The following IFI6 variants were observed in gnomAD, a reference collection of about 807,000 sequenced individuals.
IFI6 encodes the protein interferon alpha inducible protein 6, also known as interferon alpha-inducible protein 6.
In IFI6, 10 loss-of-function variants were observed where a neutral mutation model predicts 12.7. That is an observed-to-expected ratio of 0.79 (90% CI 0.49 to 1.33). IFI6 has a LOEUF of 1.33. Ranked by LOEUF, IFI6 falls within the 40% of genes most tolerant of loss-of-function variation. The probability of loss-of-function intolerance (pLI) is 0.00; values close to 1 mark genes in which losing one functional copy is unlikely to be tolerated. For missense variants in IFI6, 154 were observed against 180.4 expected, an observed-to-expected ratio of 0.85 and a Z score of 0.84; for synonymous variants, 89 against 86.2, an observed-to-expected ratio of 1.03 and a Z score of -0.18.
At chr1:27,669,116 C>T (rs2090383244) in intron 2 of IFI6, 129 bp downstream of exon 2, 1 of 1,099,910 alleles carries the variant, frequency 9.1e-7, no homozygotes, top group Non-Finnish European at 1.4e-6. Flanking sequence ...TCCTTACCCG[C>T]ATCCTTACCT....
In IFI6 at chr1:27,668,075, AAAAT is replaced by A. The variant is rs538211202; in HGVS notation, c.298+147_298+150del. The A allele has an allele frequency of 1.8e-3, 1,509 of 856,268 alleles. 8 individuals carry two copies. Among genetic ancestry groups the A allele is most frequent in the Non-Finnish European group, 2.3e-3 (1,371 of 595,770 alleles). The allele number at this position is 856,268 out of a possible 1,614,324, so 53.0% of individuals were successfully genotyped here. ...GGGTGACACAGCCAGACTCTGTCTCAAAATAAATAAATAAAGAATCACTTAATTC... is the reference window on the plus strand; with the variant it reads ...GGGTGACACAGCCAGACTCTGTCTCAAAATAAATAAAGAATCACTTAATTC... On this transcript the variant is annotated intron_variant, in intron 4 of 4. Transcript: ENST00000361157.
chr1:27,666,545 C>T, intron 4 of IFI6, 70 bp from the exon 5 acceptor site: 1 of 1,151,666 alleles, frequency 8.7e-7, no homozygotes, highest in Admixed American at 1.8e-5. Context: ...GTCTGGAAAC[C>T]ATTGGTTGAG....
Position 27,668,478 on chromosome 1 carries a change from G to C in IFI6, c.128C>G (p.Thr43Ser). Residue 43 changes from threonine (T) to serine (S), a missense_variant, in exon 3 of 5, where the codon ACC (threonine) becomes AGC (serine). Thr to Ser is a moderately conservative substitution (Grantham distance 58, BLOSUM62 1). Coordinates refer to ENST00000361157, the MANE Select transcript of IFI6 (RefSeq NM_002038.4). ...CCCACCTCCTCCGACGGCCATGAAGGTCAGGGCCTTCCAGAACCCGGAGCC... is the reference window on the plus strand; with the variant it reads ...CCCACCTCCTCCGACGGCCATGAAGCTCAGGGCCTTCCAGAACCCGGAGCC... The part of the protein sequence containing the change: ...DSGSGFWKAL[T>S]FMAVGGGLAV... The C allele has an allele frequency of 6.2e-7, 1 of 1,611,798 alleles. No individual in the cohort carries two copies. Among genetic ancestry groups the C allele is most frequent in the East Asian group, 2.2e-5 (1 of 44,752 alleles).
rs1296029610 is a variant in IFI6, at chr1:27,668,303, G to A, written c.221C>T (p.Ser74Leu). 6 of 1,581,254 alleles carry A rather than the reference G, an allele frequency of 3.8e-6. No homozygotes were observed. Among genetic ancestry groups the A allele is most frequent in the Non-Finnish European group, 5.1e-6 (6 of 1,166,546 alleles). The change falls in exon 4 of 5, where the codon TCG becomes TTG. Residue 74 changes from serine to leucine, a missense_variant. Transcript: ENST00000361157. ...AGIAANSVAA[S>L]LMSWSAILNG... ...CAGGATCGCAGACCAGCTCATCAGCGAGGCAGCCACCGAGTTGGCCGCGAT... is the reference window on the plus strand; with the variant it reads ...CAGGATCGCAGACCAGCTCATCAGCAAGGCAGCCACCGAGTTGGCCGCGAT...
intron 1 of IFI6, chr1:27,670,496 A>T (rs1048997287): frequency 6.7e-6 from 1 of 149,176 alleles, no homozygotes; most frequent in Admixed American, 6.7e-5. Flanking sequence ...CATGTTGCCC[A>T]GGCTGATCTT....
chr1:27,671,076 A>G (rs190993440), intron 1 of IFI6, among the ~76,000 whole-genome samples: 39 of 152,278 alleles, frequency 2.6e-4, no homozygotes, highest in Non-Finnish European at 1.3e-4. Flanking sequence ...ATACCACAAA[A>G]CTGGAAAATG....
intron 1 of IFI6, among the ~76,000 whole-genome samples, chr1:27,671,577 A>G (rs1038598261): frequency 4.0e-5 from 6 of 151,574 alleles, no homozygotes; most frequent in Non-Finnish European, 7.4e-5. Flanking sequence ...TAGTAGAGAC[A>G]GGGTTTCACT....
Position 27,668,467 on chromosome 1 carries a change from C to T in IFI6, c.139G>A (p.Val47Ile), listed in dbSNP as rs1053295758. ...CGCCCTCCAGACCCACCTCCTCCGA[C>T]GGCCATGAAGGTCAGGGCCTTCCAG... is the stretch of plus-strand genomic sequence containing the variant. ...GFWKALTFMAVGGGLAVAGLP... is the reference protein window; with the variant it reads ...GFWKALTFMAIGGGLAVAGLP... The change falls in exon 3 of 5, where the codon GTC becomes ATC. Residue 47 changes from valine (V) to isoleucine (I), a missense_variant. By Grantham distance (29) the Val-to-Ile change is conservative. Transcript: ENST00000361157. 3 of 1,611,164 alleles carry T rather than the reference C, an allele frequency of 1.9e-6. No homozygotes were observed. Among genetic ancestry groups the T allele is most frequent in the East Asian group, 2.2e-5 (1 of 44,720 alleles).
chr1:27,669,562 G>A (rs887670669), intron 1 of IFI6: 5 of 504,752 alleles, frequency 9.9e-6, no homozygotes, highest in East Asian at 7.3e-5. Context: ...GATTCTGTGC[G>A]GATTCGCACG....
chr1:27,669,496 C>T (rs1571434259), intron 1 of IFI6, 150 bp from the exon 2 acceptor site: 2 of 585,408 alleles, frequency 3.4e-6, no homozygotes, highest in African/African-American at 1.9e-5. Context: ...CTCGGGAATC[C>T]GTTTCCTCTC....
At position 27,666,404 on chromosome 1, in the gene IFI6, C is replaced by G. The variant is rs762985817; in HGVS notation, c.370G>C (p.Asp124His). The G allele has an allele frequency of 6.2e-7, 1 of 1,611,318 alleles. No homozygotes were observed. Among genetic ancestry groups the G allele is most frequent in the Admixed American group, 1.7e-5 (1 of 59,848 alleles). The change falls in exon 5 of 5, where the codon GAT (aspartate) becomes CAT (histidine). Residue 124 changes from aspartate (D) to histidine (H), a missense_variant. By Grantham distance (81) the Asp-to-His change is moderately conservative (BLOSUM62 -1). Transcript: ENST00000361157. ...GGCTACTCCTCATCCTCCTCACTAT[C>G]GAGATACTTGTGGGTGGCGTAGCCC... ...LMGYATHKYL[D>H]SEEDEE is the part of the protein sequence containing the mutation.
Position 27,668,331 on chromosome 1 carries a change from C to G in IFI6, c.193G>C (p.Gly65Arg), listed in dbSNP as rs980721712. ...GCAGCCACCGAGTTGGCCGCGATGC[C>G]GGCGCCGGTGAAGCCCAGCGCGGGC... ...GLPALGFTGAGIAANSVAASL... is the reference protein window; with the variant it reads ...GLPALGFTGARIAANSVAASL... The change falls in exon 4 of 5, where the codon GGC (glycine) becomes CGC (arginine). Residue 65 changes from glycine to arginine, a missense_variant. Transcript: ENST00000361157. 6.4e-7 allele frequency: 1 copy of G among 1,570,338 alleles called. No individual in the cohort carries two copies. The highest frequency in any genetic ancestry group is 1.4e-5 in the African/African-American group (1 of 73,630).
chr1:27,672,038 C>G (rs1377371230), intron 1 of IFI6, 85 bp downstream of exon 1: 2 of 152,252 alleles, frequency 1.3e-5, no homozygotes, highest in African/African-American at 4.8e-5. Context: ...CCTCCTGGCT[C>G]TCAGAACATG....
intron 1 of IFI6, among the ~76,000 whole-genome samples, chr1:27,670,807 T>C (rs537540235): frequency 6.6e-5 from 10 of 152,168 alleles, no homozygotes; most frequent in African/African-American, 9.6e-5. Context: ...CACTGCCCAT[T>C]GGTAATCAGC....
chr1:27,668,353 G>A lies in IFI6; in HGVS notation c.171C>T (p.Pro57=), dbSNP rs534851680. 5.1e-6 allele frequency: 8 copies of A among 1,568,428 alleles called. No homozygotes were observed. The South Asian group carries it at 5.8e-5, about 11-fold the overall frequency. ...TGCCGGCGCCGGTGAAGCCCAGCGC[G>A]GGCAGCCCGGCGACTGCGAGTCCTG... ...VGGGLAVAGL[P]ALGFTGAGIA... Residue 57 remains proline, a synonymous_variant, in exon 4 of 5, where the codon CCC becomes CCT. Transcript: ENST00000361157.
chr1:27,671,235 G>C (rs1332010991), intron 1 of IFI6, among the ~76,000 whole-genome samples: 1 of 152,132 alleles, frequency 6.6e-6, no homozygotes, highest in African/African-American at 2.4e-5. Context: ...ACAACACCAC[G>C]AAGTAGGTAC....
chr1:27,670,129 G>A (rs369848929), intron 1 of IFI6: 10 of 152,132 alleles, frequency 6.6e-5, no homozygotes, highest in Admixed American at 2.0e-4. Context: ...ACTGCCAATC[G>A]AAAGCCCTAG....
Position 27,667,932 on chromosome 1 carries a change from G to A in IFI6, c.298+294C>T, listed in dbSNP as rs542328561. Among the ~76,000 whole-genome samples the A allele has an allele frequency of 5.9e-5, 9 of 152,322 alleles. No homozygotes were observed. In the South Asian group the frequency reaches 6.2e-4, roughly 11 times the overall value. ...CTAAAAATACAAAAATTAGCCGGGC[G>A]TGGTGGCGTGTGCCTGTAATCCCAG... is the stretch of plus-strand genomic sequence containing the variant. On this transcript the variant is annotated intron_variant, in intron 4 of 4. Coordinates refer to ENST00000361157, the MANE Select transcript of IFI6 (RefSeq NM_002038.4).
intron 1 of IFI6, chr1:27,670,347 C>G (rs1022524278): frequency 2.0e-5 from 3 of 152,164 alleles, no homozygotes; most frequent in African/African-American, 7.2e-5. Context: ...AGTGCAGTGG[C>G]CCCATCTCAG....
Sources: allele counts gnomAD v4.1 joint callset (sites outside exome capture counted in the v4.1 genomes callset), GRCh38; gene constraint gnomAD v4.1.1; transcripts MANE v1.5; gene names NCBI Gene and HGNC (gene_info 2026-07-23, HGNC 2026-07-21).